Variants in TASOR observed in about 807,000 individuals in gnomAD.
TASOR encodes the protein transcription activation suppressor, also known as protein TASOR.
In TASOR, 53 loss-of-function variants were observed where a neutral mutation model predicts 178.6. That is an observed-to-expected ratio of 0.30 (90% CI 0.24 to 0.37). TASOR has a LOEUF of 0.37. Among genes scored for constraint, TASOR ranks in the 10% least tolerant of loss-of-function variants. The probability of loss-of-function intolerance (pLI) is 1.00; values close to 1 mark genes in which losing one functional copy is unlikely to be tolerated. For synonymous variants in TASOR, 713 were observed against 696.2 expected, an observed-to-expected ratio of 1.02 and a Z score of -0.38; for missense variants, 1,815 against 1,971.4, an observed-to-expected ratio of 0.92 and a Z score of 1.50.
chr3:56,676,966 G>C (rs2031354428), intron 1 of TASOR, among the ~76,000 whole-genome samples: 1 of 152,222 alleles, frequency 6.6e-6, no homozygotes, highest in African/African-American at 2.4e-5. Context: ...AAATGCCTCA[G>C]TGGCTTCGTT....
chr3:56,649,650 G>A (rs1000334403), intron 11 of TASOR, among the ~76,000 whole-genome samples: 1 of 152,144 alleles, frequency 6.6e-6, no homozygotes, highest in Admixed American at 6.6e-5. Context: ...ACATAAGACA[G>A]AAAAGTTCCC....
intron 1 of TASOR, among the ~76,000 whole-genome samples, chr3:56,675,192 G>A (rs1255592779): frequency 8.0e-6 from 1 of 124,380 alleles, no homozygotes; most frequent in East Asian, 2.6e-4. Flanking sequence ...TTTTTTTTTT[G>A]AGATGGAGTT....
chr3:56,678,137 A>G (rs2031472602), intron 1 of TASOR, among the ~76,000 whole-genome samples: 2 of 151,248 alleles, frequency 1.3e-5, no homozygotes, highest in African/African-American at 4.9e-5. Context: ...ACTATCATCA[A>G]ATATTTTTTA....
At chr3:56,676,149 C>A (rs1352914510) in intron 1 of TASOR, among the ~76,000 whole-genome samples, 7 of 136,156 alleles carry the variant, frequency 5.1e-5, no homozygotes, top group African/African-American at 2.1e-4. Context: ...TCCATGAGAG[C>A]AGGAACCTGC....
chr3:56,680,536 TA>T (rs2031692842), intron 1 of TASOR, among the ~76,000 whole-genome samples: 1 of 151,502 alleles, frequency 6.6e-6, no homozygotes, highest in Non-Finnish European at 1.5e-5. Flanking sequence ...TCTACCATAT[TA>T]AAATATGAAT....
chr3:56,658,462 G>T (rs560210026), intron 11 of TASOR, among the ~76,000 whole-genome samples: 2 of 152,292 alleles, frequency 1.3e-5, no homozygotes, highest in Admixed American at 1.3e-4. Context: ...GTGTAACTCA[G>T]TATCTCTCCA....
intron 7 of TASOR, among the ~76,000 whole-genome samples, chr3:56,664,558 T>A (rs943723218): frequency 6.6e-6 from 1 of 152,192 alleles, no homozygotes; most frequent in African/African-American, 2.4e-5. Flanking sequence ...AGAAGATAAT[T>A]TGATCTGGAA....
At chr3:56,671,541 AT>A in intron 3 of TASOR, 58 bp downstream of exon 3, 1 of 1,260,118 alleles carries the variant, frequency 7.9e-7, no homozygotes, top group South Asian at 1.4e-5. Flanking sequence ...TAATCACAAA[AT>A]TAGTAACTTA....
intron 18 of TASOR, 44 bp downstream of exon 18, chr3:56,633,000 A>C: frequency 7.0e-7 from 1 of 1,423,850 alleles, no homozygotes; most frequent in Non-Finnish European, 9.4e-7. Context: ...CACACCAACA[A>C]GAGAAGTTTG....
At chr3:56,631,584 G>GTTTTTTTT (rs932459148) in intron 18 of TASOR, among the ~76,000 whole-genome samples, 7 of 113,426 alleles carry the variant, frequency 6.2e-5, no homozygotes, top group African/African-American at 1.1e-4. Flanking sequence ...GTGTTTTTTT[G>GTTTTTTTT]TTTTTTTTTT....
chr3:56,662,449 T>C lies in TASOR; in HGVS notation c.1096A>G (p.Lys366Glu), dbSNP rs769882533. The change falls in exon 9 of 24, where the codon AAA becomes GAA. Residue 366 changes from lysine to glutamate, a missense_variant. By Grantham distance (56) the Lys-to-Glu change is moderately conservative. Around this residue, in one of 5 missense-constraint regions of TASOR, gnomAD observed 504 missense variants for 645.3 expected, o/e 0.78. Coordinates refer to ENST00000683822, the MANE Select transcript of TASOR (RefSeq NM_001365635.2). ...GAAATATAACACAAAAGTTTTCCTT[T>C]ATTTAAAAGCTGTCCTTTCCACAAG... The part of the protein sequence containing the change: ...YTLWKGQLLN[K>E]GKLLCYISLR... 1.9e-6 allele frequency: 3 copies of C among 1,547,120 alleles called. No individual in the cohort carries two copies. Among genetic ancestry groups the C allele is most frequent in the Non-Finnish European group, 2.6e-6 (3 of 1,144,570 alleles).
chr3:56,627,879 AC>A, intron 19 of TASOR, 138 bp from the exon 20 acceptor site: 1 of 693,396 alleles, frequency 1.4e-6, no homozygotes, highest in African/African-American at 2.0e-5. Context: ...GGAAAGCCAC[AC>A]AAATAATATT....
At position 56,660,989 on chromosome 3, in the gene TASOR, T is replaced by C. The variant is rs764528340; in HGVS notation, c.1189A>G (p.Met397Val). Residue 397 changes from methionine (M) to valine (V), a missense_variant, in exon 10 of 24, where the codon ATG becomes GTG. Coordinates refer to ENST00000683822, the MANE Select transcript of TASOR (RefSeq NM_001365635.2). Reference sequence around the variant, plus strand: ...TTCTGTTTCAGATGATCAATACTCATAACTGTTTCAACATCTAATTTCTCA... The same window carrying C: ...TTCTGTTTCAGATGATCAATACTCACAACTGTTTCAACATCTAATTTCTCA... ...LPEKLDVETV[M>V]SIDHLKQKIP... 1 of 1,606,212 alleles carries C rather than the reference T, an allele frequency of 6.2e-7. No individual in the cohort carries two copies. Among genetic ancestry groups the C allele is most frequent in the Admixed American group, 1.7e-5 (1 of 59,768 alleles).
At chr3:56,669,610 T>C in intron 5 of TASOR, 90 bp downstream of exon 5, 1 of 786,896 alleles carries the variant, frequency 1.3e-6, no homozygotes, top group Middle Eastern at 2.5e-4. Context: ...CATGAACTTT[T>C]AAACAATCTC....
chr3:56,633,251 A>G lies in TASOR; in HGVS notation c.3540T>C (p.Gly1180=), dbSNP rs989321818. ...LMVTSDHIVP[G]DMAREPVEET... is the part of the protein sequence containing the mutation. Reference sequence around the variant, plus strand: ...CTTCTACTGGTTCCCGGGCCATATCACCAGGTACAATATGATCAGAAGTCA... The same window carrying G: ...CTTCTACTGGTTCCCGGGCCATATCGCCAGGTACAATATGATCAGAAGTCA... The change falls in exon 18 of 24, where the codon GGT becomes GGC. Residue 1180 remains glycine, a synonymous_variant. Transcript: ENST00000683822. 1 of 1,614,070 alleles carries G rather than the reference A, an allele frequency of 6.2e-7. No individual in the cohort carries two copies. Among genetic ancestry groups the G allele is most frequent in the African/African-American group, 1.3e-5 (1 of 74,922 alleles).
rs1013510941 is a variant in TASOR, at chr3:56,621,587, A to C, written c.*1450T>G. On this transcript the variant is annotated 3_prime_UTR_variant, in exon 24 of 24. Coordinates refer to ENST00000683822, the MANE Select transcript of TASOR (RefSeq NM_001365635.2). ...AGTAGTCTCCTGCCTTTAGCTGAAA[A>C]TCAAGAAGAGAGTTTTGGTTCTTCA... The C allele has an allele frequency of 3.7e-6, 6 of 1,600,740 alleles. No individual in the cohort carries two copies. The Admixed American group carries it at 8.7e-5, about 23-fold the overall frequency.
chr3:56,630,927 TGGGGG>T (rs1559816822), intron 18 of TASOR, among the ~76,000 whole-genome samples: 1 of 9,284 alleles, frequency 1.1e-4, no homozygotes, highest in Non-Finnish European at 2.3e-4. Context: ...GGGTGGGGGG[TGGGGG>T]GTGCGGGGAT....
intron 21 of TASOR, 117 bp downstream of exon 21, chr3:56,626,920 G>T: frequency 1.6e-6 from 1 of 615,976 alleles, no homozygotes; most frequent in Non-Finnish European, 2.8e-6. Context: ...AATTATGGCT[G>T]GCTATGGACA....
In TASOR at chr3:56,621,792, A is replaced by G. The variant is rs893203926; in HGVS notation, c.*1245T>C. 30 of 272,498 alleles carry G rather than the reference A, an allele frequency of 1.1e-4. No individual in the cohort carries two copies. Among genetic ancestry groups the G allele is most frequent in the Non-Finnish European group, 2.0e-4 (29 of 147,650 alleles). 16.9% of individuals were successfully genotyped at this position (272,498 alleles called of 1,614,324 possible). The stretch of plus-strand genomic sequence containing the variant: ...GTACTTGTTCTATACAATAAAACAG[A>G]TACTTCTTTTGTAAAAGCTTAGTAG... On this transcript the variant is annotated 3_prime_UTR_variant, in exon 24 of 24. Transcript: ENST00000683822.
Sources: gnomAD v4.1 joint callset for allele counts (sites outside exome capture counted in the v4.1 genomes callset) on GRCh38, gnomAD v4.1.1 for gene constraint, gnomAD v4.1.1 regional missense constraint, MANE v1.5 for transcripts, NCBI Gene and HGNC (gene_info 2026-07-23, HGNC 2026-07-21) for gene names.